Variants in UNC5C observed in about 807,000 individuals in gnomAD.
The protein encoded by UNC5C is unc-5 netrin receptor C, also known as netrin receptor UNC5C.
In UNC5C, 47 loss-of-function variants were observed where a neutral mutation model predicts 99.8. The ratio of observed to expected loss-of-function variants is 0.47; its 90% CI spans 0.37 to 0.60. The LOEUF (loss-of-function observed/expected upper bound fraction) is 0.60. UNC5C is among the 20% of genes least tolerant of loss of function. UNC5C has a pLI of 0.00. For missense variants in UNC5C, 1,062 were observed against 1,165.9 expected (o/e 0.91, Z 1.30); for synonymous variants, 487 against 452.2 (o/e 1.08, Z -0.98).
chr4:95,206,533 T>C (rs1737882228), intron 11 of UNC5C, 95 bp downstream of exon 11: 6 of 1,551,772 alleles, frequency 3.9e-6, no homozygotes, highest in Non-Finnish European at 5.2e-6. Context: ...ATTCCACTCA[T>C]GTTTTGCTTT....
chr4:95,543,781 A>C (rs1722985601), intron 1 of UNC5C, among the ~76,000 whole-genome samples: 1 of 152,186 alleles, frequency 6.6e-6, no homozygotes, highest in South Asian at 2.1e-4. Flanking sequence ...CTTAACTGGG[A>C]GTGACTTAAC....
chr4:95,201,748 T>C (rs374702691), intron 12 of UNC5C, among the ~76,000 whole-genome samples: 17 of 152,140 alleles, frequency 1.1e-4, no homozygotes, highest in East Asian at 9.7e-4. Context: ...GGACTACAGA[T>C]GCCTGCCATC....
At chr4:95,321,040 T>C (rs1742668984) in intron 2 of UNC5C, among the ~76,000 whole-genome samples, 1 of 152,192 alleles carries the variant, frequency 6.6e-6, no homozygotes. Context: ...GTGTAATATT[T>C]TCTCACCTTT....
At chr4:95,376,706 T>C (rs1372840928) in intron 1 of UNC5C, among the ~76,000 whole-genome samples, 1 of 152,202 alleles carries the variant, frequency 6.6e-6, no homozygotes, top group Non-Finnish European at 1.5e-5. Flanking sequence ...AGGCTGCAAT[T>C]GTATCAAATT....
chr4:95,230,219 T>C (rs1738861203), intron 7 of UNC5C, among the ~76,000 whole-genome samples: 1 of 152,202 alleles, frequency 6.6e-6, no homozygotes, highest in Admixed American at 6.5e-5. Flanking sequence ...CTTTTTTTCA[T>C]GTTTGTTGGC....
chr4:95,179,760 A>AAG (rs538153283), intron 14 of UNC5C, among the ~76,000 whole-genome samples: 8 of 151,454 alleles, frequency 5.3e-5, no homozygotes, highest in South Asian at 2.1e-4. Flanking sequence ...AAAAAAAAAA[A>AAG]AAAAAGAAAA....
chr4:95,210,316 A>G (rs1395003529), intron 10 of UNC5C, among the ~76,000 whole-genome samples: 2 of 152,182 alleles, frequency 1.3e-5, no homozygotes, highest in African/African-American at 4.8e-5. Context: ...AGAAGAAATA[A>G]TGATAAGATT....
rs1202542191 is a variant in UNC5C, at chr4:95,206,094, G to A, written c.1902+534C>T. On this transcript the variant is annotated intron_variant, in intron 11 of 15. Transcript: ENST00000453304. ...CAGCTCACTGCAACCTCCGCCTCCC[G>A]GGTTCAAGCGGTTCTCCTGCCTCAG... Among the ~76,000 whole-genome samples, 5 of 151,114 alleles carry A rather than the reference G, an allele frequency of 3.3e-5. No homozygotes were observed. In the South Asian group the frequency reaches 6.2e-4, roughly 19 times the overall value.
intron 2 of UNC5C, among the ~76,000 whole-genome samples, chr4:95,312,360 A>C (rs968497725): frequency 6.6e-6 from 1 of 152,214 alleles, no homozygotes. Flanking sequence ...TTGTCCAGTT[A>C]ATATATGTTA....
intron 4 of UNC5C, among the ~76,000 whole-genome samples, chr4:95,257,535 T>C (rs1740049067): frequency 6.6e-6 from 1 of 150,724 alleles, no homozygotes; most frequent in Non-Finnish European, 1.5e-5. Flanking sequence ...GAAAGGGGGG[T>C]GCAAGGGGCA....
intron 7 of UNC5C, among the ~76,000 whole-genome samples, chr4:95,227,184 C>T (rs1182715064): frequency 1.3e-5 from 2 of 150,498 alleles, no homozygotes; most frequent in East Asian, 3.9e-4. Context: ...GGGTCTTGCT[C>T]TGTCATGCTG....
intron 1 of UNC5C, among the ~76,000 whole-genome samples, chr4:95,458,258 A>G (rs1747501063): frequency 6.6e-6 from 1 of 151,998 alleles, no homozygotes; most frequent in South Asian, 2.1e-4. Flanking sequence ...TGATATTTTT[A>G]CTTCTGTTTT....
intron 2 of UNC5C, among the ~76,000 whole-genome samples, chr4:95,305,393 A>AT (rs1320275193): frequency 6.6e-6 from 1 of 152,076 alleles, no homozygotes; most frequent in African/African-American, 2.4e-5. Context: ...AGTAGATAAT[A>AT]TTTTTTCTCT....
intron 1 of UNC5C, among the ~76,000 whole-genome samples, chr4:95,393,874 A>G (rs534950622): frequency 0.013 from 2,017 of 149,824 alleles, 52 homozygotes; most frequent in African/African-American, 0.047. Context: ...AAAAAAAAAC[A>G]GATTGCTATA....
At chr4:95,413,396 G>T (rs1746058701) in intron 1 of UNC5C, among the ~76,000 whole-genome samples, 1 of 151,962 alleles carries the variant, frequency 6.6e-6, no homozygotes, top group Non-Finnish European at 1.5e-5. Context: ...CCCATGGTGG[G>T]GCCTGGCTGC....
At chr4:95,180,011 C>CT (rs1240946499) in intron 14 of UNC5C, among the ~76,000 whole-genome samples, 3 of 151,786 alleles carry the variant, frequency 2.0e-5, no homozygotes, top group Non-Finnish European at 4.4e-5. Context: ...ACAGACCCCC[C>CT]CCACGGATTG....
chr4:95,368,241 G>C (rs1429565025), intron 1 of UNC5C, among the ~76,000 whole-genome samples: 2 of 147,464 alleles, frequency 1.4e-5, no homozygotes, highest in African/African-American at 2.5e-5. Flanking sequence ...AAGTCTATGT[G>C]CTTTTCCTGT....
chr4:95,206,744 G>A lies in UNC5C; in HGVS notation c.1786C>T (p.Pro596Ser), dbSNP rs749116875. 27 of 1,613,514 alleles carry A rather than the reference G, an allele frequency of 1.7e-5. No individual in the cohort carries two copies. The South Asian group carries it at 3.0e-4, about 18-fold the overall frequency. The part of the protein sequence containing the change: ...TLLTPVVSCG[P>S]PGALLTRPVV... ...GGGCGGGTGAGCAGAGCTCCTGGGGGCCCACAGCTCACCACAGGGGTCAAA... is the reference window on the plus strand; with the variant it reads ...GGGCGGGTGAGCAGAGCTCCTGGGGACCCACAGCTCACCACAGGGGTCAAA... Residue 596 changes from proline to serine, a missense_variant, in exon 11 of 16, where the codon CCC (proline) becomes TCC (serine). Around this residue, in one of 3 missense-constraint regions of UNC5C, gnomAD observed 810 missense variants for 854.5 expected, o/e 0.95. Transcript: ENST00000453304.
chr4:95,410,647 G>C (rs531222164), intron 1 of UNC5C, among the ~76,000 whole-genome samples: 1 of 152,152 alleles, frequency 6.6e-6, no homozygotes, highest in Non-Finnish European at 1.5e-5. Flanking sequence ...GGGATGCAGC[G>C]TTTAGCTAGA....
Sources: gnomAD v4.1 joint callset for allele counts (sites outside exome capture counted in the v4.1 genomes callset) on GRCh38, gnomAD v4.1.1 for gene constraint, gnomAD v4.1.1 regional missense constraint, MANE v1.5 for transcripts, NCBI Gene and HGNC (gene_info 2026-07-23, HGNC 2026-07-21) for gene names.